Variants in EPS8 observed in about 807,000 individuals in gnomAD.
EPS8 encodes epidermal growth factor receptor kinase substrate 8.
In EPS8, 42 loss-of-function variants were observed where a neutral mutation model predicts 103.8. That is an observed-to-expected ratio of 0.40 (90% CI 0.32 to 0.52). The LOEUF (loss-of-function observed/expected upper bound fraction) is 0.52, where lower values mean the gene tolerates loss of function less well. EPS8 is among the 20% of genes least tolerant of loss of function. The pLI, the probability that EPS8 is intolerant of heterozygous loss-of-function variation, is 0.40. For synonymous variants in EPS8, 344 were observed against 344.6 expected (o/e 1.00, Z 0.02); for missense variants, 969 against 1,005.1 (o/e 0.96, Z 0.49).
At chr12:15,719,509 C>T (rs1020740933) in intron 1 of EPS8, among the ~76,000 whole-genome samples, 10 of 152,090 alleles carry the variant, frequency 6.6e-5, no homozygotes, top group Admixed American at 6.5e-4. Context: ...AACAGAAATG[C>T]AGTCATATAA....
rs1004692698 is a variant in EPS8, at chr12:15,764,525, C to G, written c.-22+24636G>C. ...GATTTTATGTAAACTGTAAAACCAA[C>G]AGGCCTTTGAAGAACTTTTCTCTCT... On this transcript the variant is annotated intron_variant, in intron 1 of 20. Transcript: ENST00000281172. The surrounding 1 kb of genome is among the most constrained non-coding windows in gnomAD (Gnocchi z 4.1). Among the ~76,000 whole-genome samples, 3 of 152,236 alleles carry G rather than the reference C, an allele frequency of 2.0e-5. No individual in the cohort carries two copies. The highest frequency in any genetic ancestry group is 4.4e-5 in the Non-Finnish European group (3 of 68,050).
chr12:15,719,148 T>G (rs539350028), intron 1 of EPS8, among the ~76,000 whole-genome samples: 2 of 152,114 alleles, frequency 1.3e-5, no homozygotes, highest in Non-Finnish European at 2.9e-5. Flanking sequence ...TTCCAAAGCA[T>G]GTACCTATTG....
At chr12:15,686,442 G>C (rs1325044347) in intron 1 of EPS8, among the ~76,000 whole-genome samples, 1 of 152,020 alleles carries the variant, frequency 6.6e-6, no homozygotes, top group Non-Finnish European at 1.5e-5. Flanking sequence ...TTAAGTAACA[G>C]CATCAATTTC....
At chr12:15,770,282 C>T (rs1352313274) in intron 1 of EPS8, among the ~76,000 whole-genome samples, 1 of 36,436 alleles carries the variant, frequency 2.7e-5, no homozygotes, top group Non-Finnish European at 5.0e-5. Context: ...GAGCGAGACC[C>T]TGTCTCAAAA....
At chr12:15,662,263 C>A in intron 8 of EPS8, 164 bp from the exon 9 acceptor site, 2 of 1,443,396 alleles carry the variant, frequency 1.4e-6, no homozygotes, top group East Asian at 2.5e-5. Flanking sequence ...GAAATGCATC[C>A]TTGTCAATAC....
At chr12:15,692,079 C>T (rs1348284635) in intron 1 of EPS8, among the ~76,000 whole-genome samples, 1 of 152,110 alleles carries the variant, frequency 6.6e-6, no homozygotes. Flanking sequence ...TCCTCACCAC[C>T]TTGTGTATCC....
rs560121952 is a variant in EPS8, at chr12:15,697,758, C to T, written c.-21-14786G>A. ...ATCTGTATAAAAAAGAACTGATAATCTAGCTTTACTGATAAGTAAGAAAAA... is the reference window on the plus strand; with the variant it reads ...ATCTGTATAAAAAAGAACTGATAATTTAGCTTTACTGATAAGTAAGAAAAA... On this transcript the variant is annotated intron_variant, in intron 1 of 20. Transcript: ENST00000281172. This position sits in a 1 kb window ranked among gnomAD's most constrained non-coding sequence, Gnocchi z 5.6. 1.3e-5 allele frequency among the ~76,000 whole-genome samples: 2 copies of T among 152,130 alleles called. No individual in the cohort carries two copies. Among genetic ancestry groups the T allele is most frequent in the Admixed American group, 1.3e-4 (2 of 15,290 alleles).
At chr12:15,622,652 A>C (rs909020310) in intron 20 of EPS8, among the ~76,000 whole-genome samples, 6 of 152,128 alleles carry the variant, frequency 3.9e-5, no homozygotes, top group African/African-American at 9.7e-5. Context: ...TTGTGATTAA[A>C]TACTTTTCCA....
At position 15,778,037 on chromosome 12, in the gene EPS8, G is replaced by A. The variant is rs1487674951; in HGVS notation, c.-22+11124C>T. On this transcript the variant is annotated intron_variant, in intron 1 of 20. Transcript: ENST00000281172. This position sits in a 1 kb window ranked among gnomAD's most constrained non-coding sequence, Gnocchi z 4.5. ...TTTAAACAATTTATTCTGTAATTCTGCAAACATAGCAAACATACAAATATA... is the reference window on the plus strand; with the variant it reads ...TTTAAACAATTTATTCTGTAATTCTACAAACATAGCAAACATACAAATATA... 1.3e-5 allele frequency among the ~76,000 whole-genome samples: 2 copies of A among 152,082 alleles called. No homozygotes were observed. Among genetic ancestry groups the A allele is most frequent in the Non-Finnish European group, 2.9e-5 (2 of 68,020 alleles).
chr12:15,689,573 A>G (rs573576489), intron 1 of EPS8, among the ~76,000 whole-genome samples: 1 of 152,356 alleles, frequency 6.6e-6, no homozygotes, highest in East Asian at 1.9e-4. Context: ...ATGTATAACT[A>G]TGAAATGATT....
chr12:15,744,407 A>C (rs1390746405), intron 1 of EPS8, among the ~76,000 whole-genome samples: 1 of 152,212 alleles, frequency 6.6e-6, no homozygotes, highest in East Asian at 1.9e-4. Context: ...AGATCCAAGT[A>C]TACAAGGATG....
chr12:15,623,981 G>C (rs1237665064), intron 19 of EPS8, among the ~76,000 whole-genome samples: 1 of 152,136 alleles, frequency 6.6e-6, no homozygotes, highest in Non-Finnish European at 1.5e-5. Context: ...CCAATAGTTT[G>C]CTTAAAGAAC....
rs1010999602 is a variant in EPS8, at chr12:15,747,877, G to A, written c.-22+41284C>T. Among the ~76,000 whole-genome samples the A allele has an allele frequency of 7.9e-5, 12 of 151,936 alleles. No homozygotes were observed. The highest frequency in any genetic ancestry group is 1.9e-4 in the African/African-American group (8 of 41,354). ...CTACTAAAAATACAAAGAATTAGCCGGACGTGGTGGCAGGCACCTGTAGTC... is the reference window on the plus strand; with the variant it reads ...CTACTAAAAATACAAAGAATTAGCCAGACGTGGTGGCAGGCACCTGTAGTC... On this transcript the variant is annotated intron_variant, in intron 1 of 20. Coordinates refer to ENST00000281172, the MANE Select transcript of EPS8 (RefSeq NM_004447.6). The surrounding 1 kb of genome is among the most constrained non-coding windows in gnomAD (Gnocchi z 4.4).
chr12:15,634,182 C>T (rs1945097262), intron 17 of EPS8, among the ~76,000 whole-genome samples: 4 of 152,204 alleles, frequency 2.6e-5, no homozygotes, highest in Admixed American at 2.0e-4. Flanking sequence ...GAAAGTTCCA[C>T]ATCTTCACAA....
intron 1 of EPS8, among the ~76,000 whole-genome samples, chr12:15,775,374 G>A (rs1053862162): frequency 1.3e-5 from 2 of 152,006 alleles, no homozygotes; most frequent in African/African-American, 4.8e-5. Context: ...ATCTTAAATT[G>A]ACCTTAATAG....
rs141467311 is a variant in EPS8 at position 15,635,228 on chromosome 12, T to C, written c.1822-3564A>G. Among the ~76,000 whole-genome samples, 20 of 152,266 alleles carry C rather than the reference T, an allele frequency of 1.3e-4. No homozygotes were observed. The East Asian group carries it at 2.9e-3, about 22-fold the overall frequency. On this transcript the variant is annotated intron_variant, in intron 17 of 20. Transcript: ENST00000281172. ...CTGAACATAGAACATTTAATAAAAT[T>C]ATGTACATGTGCATGTCAGACAGTA... is the stretch of plus-strand genomic sequence containing the variant.
Position 15,725,463 on chromosome 12 carries a change from G to GA in EPS8, c.-21-42492dup, listed in dbSNP as rs1337905607. ...TGATACCCTGTCTCAAAAAAAAAAG[G>GA]AAAAAAACTAAAAAAAAAAAAAAAA... On this transcript the variant is annotated intron_variant, in intron 1 of 20. Transcript: ENST00000281172. The surrounding 1 kb of genome is among the most constrained non-coding windows in gnomAD (Gnocchi z 4.5). Among the ~76,000 whole-genome samples the GA allele has an allele frequency of 6.1e-5, 9 of 147,378 alleles. No individual in the cohort carries two copies. The highest frequency in any genetic ancestry group is 1.3e-4 in the Non-Finnish European group (9 of 66,742).
intron 1 of EPS8, among the ~76,000 whole-genome samples, chr12:15,774,609 A>G (rs1358888577): frequency 6.8e-6 from 1 of 147,380 alleles, no homozygotes; most frequent in Non-Finnish European, 1.5e-5. Context: ...CATATAAAAT[A>G]TATATACATA....
At position 15,760,229 on chromosome 12, in the gene EPS8, C is replaced by T. The variant is rs1037029737; in HGVS notation, c.-22+28932G>A. 3.3e-5 allele frequency among the ~76,000 whole-genome samples: 5 copies of T among 151,874 alleles called. No individual in the cohort carries two copies. Among genetic ancestry groups the T allele is most frequent in the African/African-American group, 1.2e-4 (5 of 41,396 alleles). ...AGAAATGGACAAATTCCTAGACACA[C>T]ACAACCTACTAAGATTGAACTATGA... is the stretch of plus-strand genomic sequence containing the variant. On this transcript the variant is annotated intron_variant, in intron 1 of 20. Coordinates refer to ENST00000281172, the MANE Select transcript of EPS8 (RefSeq NM_004447.6). The surrounding 1 kb of genome is among the most constrained non-coding windows in gnomAD (Gnocchi z 4.5).
Sources: allele counts gnomAD v4.1 joint callset (sites outside exome capture counted in the v4.1 genomes callset), GRCh38; gene constraint gnomAD v4.1.1; non-coding constraint Gnocchi (gnomAD v3.1); transcripts MANE v1.5; gene names NCBI Gene and HGNC (gene_info 2026-07-23, HGNC 2026-07-21).